MAD1L1: variants seen among roughly 807,000 people sequenced by gnomAD.
The protein encoded by MAD1L1 is mitotic spindle assembly checkpoint protein MAD1.
In MAD1L1, 95 loss-of-function variants were observed where a neutral mutation model predicts 96.9. The ratio of observed to expected loss-of-function variants is 0.98; its 90% confidence interval spans 0.83 to 1.16. The LOEUF (loss-of-function observed/expected upper bound fraction) is 1.16, where lower values mean the gene tolerates loss of function less well. Among genes scored for constraint, MAD1L1 ranks in the 50% most tolerant of loss-of-function variants. The probability of loss-of-function intolerance (pLI) is 0.00; values close to 1 mark genes in which losing one functional copy is unlikely to be tolerated. For synonymous variants in MAD1L1, 473 were observed against 396.6 expected (o/e 1.19, Z -2.29); for missense variants, 1,007 against 954.4 (o/e 1.06, Z -0.73).
chr7:2,106,031 TCCATTCTGCCCAGCACGAA>T (rs1787079023), intron 11 of MAD1L1, among the ~76,000 whole-genome samples: 3 of 7,660 alleles, frequency 3.9e-4, no homozygotes, highest in African/African-American at 6.6e-4. Context: ...GCCCCGCCCC[TCCATTCTGCCCAGCACGAA>T]GCCCCACCCC....
At chr7:1,966,332 G>A (rs1430701706) in intron 15 of MAD1L1, among the ~76,000 whole-genome samples, 1 of 152,172 alleles carries the variant, frequency 6.6e-6, no homozygotes, top group Non-Finnish European at 1.5e-5. Context: ...AAGAACCACA[G>A]AGATTTCAAG....
At chr7:1,929,822 C>CA (rs1314007822) in intron 17 of MAD1L1, among the ~76,000 whole-genome samples, 114 of 288 alleles carry the variant, frequency 0.4, 12 homozygotes, top group African/African-American at 0.45. Context: ...TGCCACGTCC[C>CA]CTGCCCCGTC....
At chr7:2,201,193 C>G (rs1425196078) in intron 10 of MAD1L1, among the ~76,000 whole-genome samples, 1 of 113,864 alleles carries the variant, frequency 8.8e-6, no homozygotes, top group Admixed American at 9.5e-5. Flanking sequence ...GGCCATGGCA[C>G]TGCTGGGAAG....
chr7:2,216,012 CAA>C lies in MAD1L1; in HGVS notation c.810-15_810-14del. On this transcript the variant is annotated splice_polypyrimidine_tract_variant and intron_variant, in intron 8 of 18. Coordinates refer to ENST00000265854, the MANE Select transcript of MAD1L1 (RefSeq NM_001013836.2). ...CTCTCTCATCTCCCTGGCAGTGCCA[CAA>C]AGAGTCGCTCAAATAGCCACACACC... 6.2e-7 allele frequency: 1 copy of C among 1,613,692 alleles called. No homozygotes were observed. The highest frequency in any genetic ancestry group is 8.5e-7 in the Non-Finnish European group (1 of 1,179,740).
chr7:1,948,579 G>A (rs1259196360), intron 16 of MAD1L1, among the ~76,000 whole-genome samples: 3 of 152,238 alleles, frequency 2.0e-5, no homozygotes, highest in Non-Finnish European at 2.9e-5. Flanking sequence ...AAGGCCAGGG[G>A]AGGAGGGAGC....
chr7:1,963,364 C>G (rs1323082201), intron 15 of MAD1L1, among the ~76,000 whole-genome samples: 7 of 152,156 alleles, frequency 4.6e-5, no homozygotes, highest in Non-Finnish European at 1.0e-4. Flanking sequence ...GCCCAGAAGA[C>G]TCGACAGCCG....
At chr7:1,923,240 T>C (rs559065771) in intron 17 of MAD1L1, among the ~76,000 whole-genome samples, 16 of 152,330 alleles carry the variant, frequency 1.1e-4, no homozygotes, top group Admixed American at 3.3e-4. Flanking sequence ...AGTTCTGCAG[T>C]CTGTGGTTGA....
intron 12 of MAD1L1, among the ~76,000 whole-genome samples, chr7:2,054,987 T>A (rs969067057): frequency 2.6e-5 from 4 of 151,986 alleles, no homozygotes; most frequent in Non-Finnish European, 5.9e-5. Flanking sequence ...AGCCGAGCGG[T>A]GGGGCCGGGA....
At chr7:2,219,306 C>T (rs758844937) in intron 6 of MAD1L1, 26 bp downstream of exon 6, 8 of 1,542,222 alleles carry the variant, frequency 5.2e-6, no homozygotes, top group Admixed American at 2.0e-5. Flanking sequence ...ACCCGACCCC[C>T]GACCCCACAC....
At chr7:1,964,126 T>C (rs531555085) in intron 15 of MAD1L1, among the ~76,000 whole-genome samples, 1 of 152,240 alleles carries the variant, frequency 6.6e-6, no homozygotes, top group Non-Finnish European at 1.5e-5. Context: ...GGGTGGGTGT[T>C]CCTGACCCTC....
At position 1,956,784 on chromosome 7, in the gene MAD1L1, G is replaced by A. The variant is rs1779746813; in HGVS notation, c.1596+845C>T. Among the ~76,000 whole-genome samples, 3 of 152,366 alleles carry A rather than the reference G, an allele frequency of 2.0e-5. No homozygotes were observed. The South Asian group carries it at 6.2e-4, about 32-fold the overall frequency. Reference sequence around the variant, plus strand: ...CAGGCCCCATCAGGTGTTCACCAGTGCTGGCACCGCACTCACCCACACCCC... The same window carrying A: ...CAGGCCCCATCAGGTGTTCACCAGTACTGGCACCGCACTCACCCACACCCC... On this transcript the variant is annotated intron_variant, in intron 16 of 18. Coordinates refer to ENST00000265854, the MANE Select transcript of MAD1L1 (RefSeq NM_001013836.2).
At chr7:2,015,832 A>G (rs1186212919) in intron 12 of MAD1L1, among the ~76,000 whole-genome samples, 1 of 152,250 alleles carries the variant, frequency 6.6e-6, no homozygotes, top group Non-Finnish European at 1.5e-5. Context: ...ACGTAGATTC[A>G]GGGTGGGCCT....
chr7:1,996,463 CA>C (rs1562593039), intron 14 of MAD1L1, among the ~76,000 whole-genome samples: 2 of 152,214 alleles, frequency 1.3e-5, no homozygotes, highest in Non-Finnish European at 2.9e-5. Flanking sequence ...GGCTCCTGCA[CA>C]GGAGACCCCA....
intron 16 of MAD1L1, among the ~76,000 whole-genome samples, chr7:1,951,786 GTATC>G (rs933519900): frequency 7.2e-5 from 11 of 152,244 alleles, no homozygotes; most frequent in Admixed American, 6.5e-4. Context: ...CCTTGAGGCT[GTATC>G]TATCATGCTC....
chr7:2,131,772 G>A (rs185075860), intron 11 of MAD1L1, among the ~76,000 whole-genome samples: 3 of 152,244 alleles, frequency 2.0e-5, no homozygotes, highest in Admixed American at 6.5e-5. Flanking sequence ...ACCCTGGCCC[G>A]AGCTGGCTCA....
chr7:2,145,075 C>G (rs1047946416), intron 11 of MAD1L1, among the ~76,000 whole-genome samples: 18 of 152,194 alleles, frequency 1.2e-4, no homozygotes, highest in African/African-American at 4.3e-4. Flanking sequence ...ACGGCCAGTG[C>G]CCTGTAGGCT....
chr7:1,929,501 T>C (rs1789304979), intron 17 of MAD1L1, among the ~76,000 whole-genome samples: 1 of 152,114 alleles, frequency 6.6e-6, no homozygotes, highest in Non-Finnish European at 1.5e-5. Context: ...GGTTGTTTAG[T>C]GACTGCCTTG....
chr7:1,923,137 C>T (rs987664112), intron 17 of MAD1L1, among the ~76,000 whole-genome samples: 2 of 152,158 alleles, frequency 1.3e-5, no homozygotes, highest in Non-Finnish European at 2.9e-5. Flanking sequence ...ACCATCTGGG[C>T]CTGGAGATAT....
intron 17 of MAD1L1, among the ~76,000 whole-genome samples, chr7:1,918,413 C>G (rs1393467432): frequency 2.0e-5 from 3 of 152,184 alleles, no homozygotes; most frequent in African/African-American, 7.2e-5. Context: ...CGAGCATGTT[C>G]CCAACACACA....
Sources: gnomAD v4.1 joint callset for allele counts (sites outside exome capture counted in the v4.1 genomes callset) on GRCh38, gnomAD v4.1.1 for gene constraint, MANE v1.5 for transcripts, NCBI Gene and HGNC (gene_info 2026-07-23, HGNC 2026-07-21) for gene names.